The following FREM2 variants were observed in gnomAD, a reference collection of about 807,000 sequenced individuals.
The protein encoded by FREM2 is FRAS1-related extracellular matrix protein 2.
Under a neutral mutation model 219.9 loss-of-function variants are expected in FREM2, and 119 were observed. The observed-to-expected ratio is 0.54, with a 90% CI of 0.47 to 0.63. The LOEUF is 0.63. Among genes scored for constraint, FREM2 ranks in the 30% least tolerant of loss-of-function variants. FREM2 has a pLI of 0.00. For missense variants in FREM2, 4,030 were observed against 3,993.6 expected (o/e 1.01, Z -0.25); for synonymous variants, 1,562 against 1,522.8 (o/e 1.03, Z -0.60).
At chr13:38,735,168 ACCT>A (rs747249449) in intron 2 of FREM2, among the ~76,000 whole-genome samples, 3 of 152,136 alleles carry the variant, frequency 2.0e-5, no homozygotes, top group Non-Finnish European at 4.4e-5. Flanking sequence ...ATATGAAGAA[ACCT>A]CAGCCTCACG....
chr13:38,858,863 G>T (rs1877654968), intron 13 of FREM2, among the ~76,000 whole-genome samples: 1 of 151,878 alleles, frequency 6.6e-6, no homozygotes, highest in Non-Finnish European at 1.5e-5. Flanking sequence ...AAAAGATGCT[G>T]AATTAGACAG....
chr13:38,692,048 GA>G lies in FREM2; in HGVS notation c.4707del (p.Lys1569AsnfsTer29). 6.2e-7 allele frequency: 1 copy of G among 1,614,206 alleles called. No homozygotes were observed. Among genetic ancestry groups the G allele is most frequent in the South Asian group, 1.1e-5 (1 of 91,076 alleles). On this transcript the variant is annotated frameshift_variant, in exon 1 of 24. Coordinates refer to ENST00000280481, the MANE Select transcript of FREM2 (RefSeq NM_207361.6). LOFTEE classifies it high-confidence loss of function. ...ACAGAGATACTCCTGACAAGCTCCTGAAATTCACTATCACCCAGGTGCCTAT... is the reference window on the plus strand; with the variant it reads ...ACAGAGATACTCCTGACAAGCTCCTGAATTCACTATCACCCAGGTGCCTAT... ...EDRDTPDKLL[K>X]FTITQVPIHG... is the part of the protein sequence containing the mutation.
chr13:38,876,424 C>G, intron 20 of FREM2, 42 bp downstream of exon 20: 5 of 1,564,268 alleles, frequency 3.2e-6, no homozygotes, highest in Non-Finnish European at 4.4e-6. Context: ...TGCAGAATCC[C>G]ACTTTGTTTT....
At chr13:38,729,847 G>A (rs1871692708) in intron 2 of FREM2, among the ~76,000 whole-genome samples, 1 of 152,136 alleles carries the variant, frequency 6.6e-6, no homozygotes, top group Non-Finnish European at 1.5e-5. Context: ...AGAAATGATA[G>A]TCTTATCTGT....
intron 2 of FREM2, among the ~76,000 whole-genome samples, chr13:38,739,222 T>C (rs1326212510): frequency 6.6e-6 from 1 of 152,190 alleles, no homozygotes; most frequent in Non-Finnish European, 1.5e-5. Context: ...AATGATTGAA[T>C]GTAATTTTAA....
intron 2 of FREM2, among the ~76,000 whole-genome samples, chr13:38,709,447 A>G (rs1181095511): frequency 1.3e-5 from 2 of 152,166 alleles, no homozygotes; most frequent in South Asian, 2.1e-4. Flanking sequence ...GTGTAAATAT[A>G]TAGACACATA....
In FREM2 at chr13:38,692,185, A is replaced by G; in HGVS notation, c.4841A>G (p.Asp1614Gly). The G allele has an allele frequency of 6.2e-7, 1 of 1,614,062 alleles. No individual in the cohort carries two copies. The highest frequency in any genetic ancestry group is 8.5e-7 in the Non-Finnish European group (1 of 1,179,908). Residue 1614 changes from aspartate (D) to glycine (G), a missense_variant, in exon 1 of 24, where the codon GAT (aspartate) becomes GGT (glycine). Coordinates refer to ENST00000280481, the MANE Select transcript of FREM2 (RefSeq NM_207361.6). ...YKHDGTESSE[D>G]SFSFTVTDGT... Reference sequence around the variant, plus strand: ...CATGATGGCACTGAGTCAAGTGAAGATAGCTTCTCCTTCACAGTGACTGAT... The same window carrying G: ...CATGATGGCACTGAGTCAAGTGAAGGTAGCTTCTCCTTCACAGTGACTGAT...
chr13:38,851,876 G>T lies in FREM2; in HGVS notation c.6925+8G>T, dbSNP rs908406584. ...ACCACCCTGTGTCAGAAGGTATGGG[G>T]CTCCCAGGGCCTGTCTCCTGATGGA... On this transcript the variant is annotated splice_region_variant and intron_variant, in intron 11 of 23. Coordinates refer to ENST00000280481, the MANE Select transcript of FREM2 (RefSeq NM_207361.6). The T allele has an allele frequency of 2.5e-6, 4 of 1,612,352 alleles. No individual in the cohort carries two copies. Among genetic ancestry groups the T allele is most frequent in the Non-Finnish European group, 3.4e-6 (4 of 1,178,750 alleles).
At chr13:38,693,815 C>T (rs1418693757) in intron 1 of FREM2, among the ~76,000 whole-genome samples, 1 of 152,202 alleles carries the variant, frequency 6.6e-6, no homozygotes, top group Non-Finnish European at 1.5e-5. Flanking sequence ...ACTCCAACCT[C>T]CTGATTCTTG....
chr13:38,737,119 A>G (rs966760324), intron 2 of FREM2, among the ~76,000 whole-genome samples: 3 of 152,134 alleles, frequency 2.0e-5, no homozygotes, highest in Non-Finnish European at 4.4e-5. Context: ...TGGGGATTTC[A>G]GTAGTGTGTT....
rs1212184550 is a variant in FREM2 at position 38,883,493 on chromosome 13, T to C, written c.*2706T>C. ...TCTTGTTGATATTATATAGTAAAAATAAAACCAAAAATAAATATTATTCAA... is the reference window on the plus strand; with the variant it reads ...TCTTGTTGATATTATATAGTAAAAACAAAACCAAAAATAAATATTATTCAA... On this transcript the variant is annotated 3_prime_UTR_variant, in exon 24 of 24. Coordinates refer to ENST00000280481, the MANE Select transcript of FREM2 (RefSeq NM_207361.6). 2.0e-5 allele frequency: 3 copies of C among 152,134 alleles called. No homozygotes were observed. Among genetic ancestry groups the C allele is most frequent in the African/African-American group, 7.2e-5 (3 of 41,450 alleles). 9.4% of individuals were successfully genotyped at this position (152,134 alleles called of 1,614,324 possible).
intron 2 of FREM2, among the ~76,000 whole-genome samples, chr13:38,745,629 G>T (rs1413182050): frequency 6.6e-6 from 1 of 152,076 alleles, no homozygotes; most frequent in Admixed American, 6.6e-5. Context: ...CTATTTTCAG[G>T]GATCACCATA....
chr13:38,853,514 C>T (rs906782586), intron 11 of FREM2, among the ~76,000 whole-genome samples: 2 of 152,154 alleles, frequency 1.3e-5, no homozygotes, highest in African/African-American at 4.8e-5. Context: ...CTTAGCACGT[C>T]AGGCATTCAT....
intron 2 of FREM2, among the ~76,000 whole-genome samples, chr13:38,712,247 T>C (rs972156168): frequency 2.6e-5 from 4 of 152,214 alleles, no homozygotes; most frequent in Non-Finnish European, 5.9e-5. Context: ...ATGTGGTGTA[T>C]GCACTGGATG....
rs1869625018 is a variant in FREM2 at position 38,688,643 on chromosome 13, C to T, written c.1299C>T (p.Pro433=). 3 of 1,614,034 alleles carry T rather than the reference C, an allele frequency of 1.9e-6. No individual in the cohort carries two copies. Among genetic ancestry groups the T allele is most frequent in the South Asian group, 2.2e-5 (2 of 91,080 alleles). The change falls in exon 1 of 24, where the codon CCC becomes CCT. Residue 433 remains proline, a synonymous_variant. Coordinates refer to ENST00000280481, the MANE Select transcript of FREM2 (RefSeq NM_207361.6). ...TTGCCTTCATGGTAGTGGTGAAGCC[C>T]ATGAACACAATGGCTCCGGTGGTCA... The part of the protein sequence containing the change: ...DPFAFMVVVK[P]MNTMAPVVTR...
chr13:38,699,038 AC>A (rs1337132112), intron 2 of FREM2, among the ~76,000 whole-genome samples: 8 of 152,224 alleles, frequency 5.3e-5, no homozygotes, highest in East Asian at 1.9e-4. Context: ...CATAAAAAAA[AC>A]CTTCTTGAAT....
chr13:38,816,524 T>G (rs1875772576), intron 6 of FREM2, among the ~76,000 whole-genome samples: 1 of 152,064 alleles, frequency 6.6e-6, no homozygotes, highest in African/African-American at 2.4e-5. Context: ...TGATAAAAAT[T>G]TACTATCATG....
chr13:38,688,259 T>C lies in FREM2; in HGVS notation c.915T>C (p.Val305=). The C allele has an allele frequency of 6.2e-7, 1 of 1,613,994 alleles. No individual in the cohort carries two copies. Among genetic ancestry groups the C allele is most frequent in the Non-Finnish European group, 8.5e-7 (1 of 1,180,024 alleles). ...CTTTGAAACGCGAGCACTTCCAGGT[T>C]CTGGTGAGGATCCGAGGAGGGGCCG... ...SPALKREHFQ[V]LVRIRGGAEN... The change falls in exon 1 of 24, where the codon GTT becomes GTC. Residue 305 remains valine, a synonymous_variant. Coordinates refer to ENST00000280481, the MANE Select transcript of FREM2 (RefSeq NM_207361.6).
chr13:38,782,019 C>T (rs1243443013), intron 4 of FREM2, among the ~76,000 whole-genome samples: 1 of 152,144 alleles, frequency 6.6e-6, no homozygotes, highest in African/African-American at 2.4e-5. Flanking sequence ...CCCCATTGGC[C>T]GACCCAACCA....
Sources: gnomAD v4.1 joint callset for allele counts (sites outside exome capture counted in the v4.1 genomes callset) on GRCh38, gnomAD v4.1.1 for gene constraint, MANE v1.5 for transcripts, NCBI Gene and HGNC (gene_info 2026-07-23, HGNC 2026-07-21) for gene names.